Variants in SLC39A11 observed in about 807,000 individuals in gnomAD.
SLC39A11 encodes the protein zinc transporter ZIP11.
Under a neutral mutation model 36.1 loss-of-function variants are expected in SLC39A11, and 33 were observed. That is an observed-to-expected ratio of 0.91 (90% CI 0.69 to 1.22). The LOEUF (loss-of-function observed/expected upper bound fraction) is 1.22, where lower values mean the gene tolerates loss of function less well. Ranked by LOEUF, SLC39A11 falls within the 50% of genes most tolerant of loss-of-function variation. SLC39A11 has a pLI of 0.00. For missense variants in SLC39A11, 432 were observed against 430.3 expected (o/e 1.00, Z -0.03); for synonymous variants, 166 against 170.3 (o/e 0.97, Z 0.20).
chr17:72,878,915 A>T (rs2081053552), intron 5 of SLC39A11, among the ~76,000 whole-genome samples: 1 of 152,268 alleles, frequency 6.6e-6, no homozygotes, highest in Non-Finnish European at 1.5e-5. Context: ...TGACTGATCC[A>T]CTATAAATTG....
chr17:72,957,365 T>A (rs1214574116), intron 4 of SLC39A11, among the ~76,000 whole-genome samples: 7 of 152,194 alleles, frequency 4.6e-5, no homozygotes, highest in Non-Finnish European at 8.8e-5. Context: ...GTGTGTAATA[T>A]GAGGAACCCC....
rs190052301 is a variant in SLC39A11, at chr17:72,820,520, G to A, written c.601+29114C>T. ...GGAGCACCCTCTCTCTCCTGCCACCGCGGATCTATTACATGGCACATCCTA... is the reference window on the plus strand; with the variant it reads ...GGAGCACCCTCTCTCTCCTGCCACCACGGATCTATTACATGGCACATCCTA... On this transcript the variant is annotated intron_variant, in intron 6 of 9. Coordinates refer to ENST00000255559, the MANE Select transcript of SLC39A11 (RefSeq NM_139177.4). Among the ~76,000 whole-genome samples the A allele has an allele frequency of 1.1e-4, 17 of 151,042 alleles. No individual in the cohort carries two copies. The East Asian group carries it at 2.5e-3, about 22-fold the overall frequency.
chr17:72,750,118 C>T (rs563827922), intron 6 of SLC39A11, among the ~76,000 whole-genome samples: 16 of 152,258 alleles, frequency 1.1e-4, no homozygotes, highest in African/African-American at 3.4e-4. Flanking sequence ...AGGTGGGTGG[C>T]GCCCATTCTG....
chr17:72,723,949 A>G (rs1259826200), intron 7 of SLC39A11, among the ~76,000 whole-genome samples: 1 of 152,176 alleles, frequency 6.6e-6, no homozygotes, highest in Admixed American at 6.5e-5. Context: ...GTCAGCACAG[A>G]ACTGGGGATG....
chr17:73,045,388 A>T (rs1340467497), intron 3 of SLC39A11, among the ~76,000 whole-genome samples: 22 of 99,476 alleles, frequency 2.2e-4, no homozygotes, highest in African/African-American at 6.0e-4. Context: ...AACAGAGTTA[A>T]AAAAAAAAAA....
intron 1 of SLC39A11, chr17:73,092,301 G>A (rs979870859): frequency 6.6e-6 from 1 of 152,262 alleles, no homozygotes; most frequent in African/African-American, 2.4e-5. Context: ...CACCGCCTAG[G>A]AAGGGACGAA....
intron 5 of SLC39A11, among the ~76,000 whole-genome samples, chr17:72,938,393 G>A (rs752504658): frequency 6.6e-6 from 1 of 152,182 alleles, no homozygotes; most frequent in Non-Finnish European, 1.5e-5. Context: ...CTCGAAGGCT[G>A]ACTATTCCAG....
At chr17:72,769,062 C>A (rs2075845487) in intron 6 of SLC39A11, among the ~76,000 whole-genome samples, 1 of 152,168 alleles carries the variant, frequency 6.6e-6, no homozygotes, top group African/African-American at 2.4e-5. Context: ...GCCCAGCCAA[C>A]TTCTTGGCTT....
At chr17:72,886,819 T>C (rs1373876458) in intron 5 of SLC39A11, among the ~76,000 whole-genome samples, 1 of 152,230 alleles carries the variant, frequency 6.6e-6, no homozygotes, top group African/African-American at 2.4e-5. Flanking sequence ...TTCTCACGAA[T>C]GCTCCCTGTG....
chr17:73,005,289 C>T (rs527358975), intron 4 of SLC39A11, among the ~76,000 whole-genome samples: 4 of 152,126 alleles, frequency 2.6e-5, no homozygotes, highest in African/African-American at 7.2e-5. Flanking sequence ...ACACACACAA[C>T]GTTTTGTTAA....
intron 7 of SLC39A11, among the ~76,000 whole-genome samples, chr17:72,687,988 A>T (rs2071837481): frequency 6.6e-6 from 1 of 152,172 alleles, no homozygotes; most frequent in African/African-American, 2.4e-5. Flanking sequence ...GTCCCTTTGT[A>T]TGTAAGGATT....
chr17:72,767,227 C>T (rs530576515), intron 6 of SLC39A11, among the ~76,000 whole-genome samples: 8 of 152,310 alleles, frequency 5.3e-5, no homozygotes, highest in African/African-American at 1.2e-4. Flanking sequence ...TGGAACTGCA[C>T]GTTTATTGTA....
chr17:72,868,876 G>A (rs2146338985), intron 5 of SLC39A11, among the ~76,000 whole-genome samples: 1 of 152,252 alleles, frequency 6.6e-6, no homozygotes, highest in East Asian at 1.9e-4. Context: ...TCGCTTTAGA[G>A]TTCCACGGAT....
At chr17:72,965,853 G>C (rs1410758662) in intron 4 of SLC39A11, among the ~76,000 whole-genome samples, 2 of 152,178 alleles carry the variant, frequency 1.3e-5, no homozygotes, top group Non-Finnish European at 1.5e-5. Flanking sequence ...ACCTGACCTT[G>C]TCACTTCAAC....
intron 4 of SLC39A11, among the ~76,000 whole-genome samples, chr17:72,991,423 T>C (rs1014071753): frequency 6.6e-6 from 1 of 152,068 alleles, no homozygotes; most frequent in Non-Finnish European, 1.5e-5. Context: ...AGTGGCGTGA[T>C]CTCGGCTCAC....
intron 6 of SLC39A11, among the ~76,000 whole-genome samples, chr17:72,767,663 G>A (rs1341738685): frequency 6.6e-6 from 1 of 152,228 alleles, no homozygotes; most frequent in Admixed American, 6.5e-5. Flanking sequence ...TAGACTGTGA[G>A]CTGTGGTTAA....
chr17:72,836,366 G>C (rs2078545264), intron 6 of SLC39A11, among the ~76,000 whole-genome samples: 1 of 150,786 alleles, frequency 6.6e-6, no homozygotes, highest in South Asian at 2.1e-4. Context: ...TTTGAGACAG[G>C]GTCTCGCTCT....
At chr17:72,720,379 C>G (rs148035633) in intron 7 of SLC39A11, among the ~76,000 whole-genome samples, 44 of 122,166 alleles carry the variant, frequency 3.6e-4, no homozygotes, top group Admixed American at 9.4e-4. Flanking sequence ...GGCACACTCA[C>G]AGACCCTGCT....
chr17:72,679,862 T>C (rs2071433905), intron 7 of SLC39A11, among the ~76,000 whole-genome samples: 1 of 151,764 alleles, frequency 6.6e-6, no homozygotes, highest in Non-Finnish European at 1.5e-5. Context: ...GCCAACATGG[T>C]GAAACCCTGT....
Sources: allele counts gnomAD v4.1 joint callset (sites outside exome capture counted in the v4.1 genomes callset), GRCh38; gene constraint gnomAD v4.1.1; transcripts MANE v1.5; gene names NCBI Gene and HGNC (gene_info 2026-07-23, HGNC 2026-07-21).